Variants in ATXN2 observed in about 807,000 individuals in gnomAD.
ATXN2 encodes the protein ataxin 2.
Under a neutral mutation model 138.6 loss-of-function variants are expected in ATXN2, and 37 were observed. The ratio of observed to expected loss-of-function variants is 0.27; its 90% CI spans 0.21 to 0.35. The LOEUF (loss-of-function observed/expected upper bound fraction) is 0.35. Among genes scored for constraint, ATXN2 ranks in the 10% least tolerant of loss-of-function variants. ATXN2 has a pLI of 1.00. For missense variants in ATXN2, 1,216 were observed against 1,480.3 expected (o/e 0.82, Z 2.93); for synonymous variants, 549 against 543.7 (o/e 1.01, Z -0.13).
chr12:111,553,299 T>C (rs972192402), intron 3 of ATXN2, among the ~76,000 whole-genome samples: 2 of 152,130 alleles, frequency 1.3e-5, no homozygotes, highest in East Asian at 1.9e-4. Flanking sequence ...TTAACAAGAA[T>C]ACAGCTATCT....
At position 111,525,305 on chromosome 12, in the gene ATXN2, C is replaced by G. The variant is rs753699935; in HGVS notation, c.583G>C (p.Asp195His). 6.3e-7 allele frequency: 1 copy of G among 1,586,414 alleles called. No homozygotes were observed. The highest frequency in any genetic ancestry group is 1.4e-5 in the African/African-American group (1 of 73,868). The change falls in exon 6 of 25, where the codon GAC (aspartate) becomes CAC (histidine). Residue 195 changes from aspartate to histidine, a missense_variant. By Grantham distance (81) the Asp-to-His change is moderately conservative. This residue lies in a region of ATXN2 where 401 missense variants were observed against 528.1 expected (regional missense o/e 0.76). Transcript: ENST00000673436. ...SSYAKRDAFTDSAISAKVNGE... is the reference protein window; with the variant it reads ...SSYAKRDAFTHSAISAKVNGE... ...TTCACTTTAGCACTGATAGCAGAGT[C>G]AGTAAAAGCATCTGCAAAGAATGGT...
Position 111,552,454 on chromosome 12 carries a change from T to G in ATXN2, c.421-24A>C. The G allele has an allele frequency of 6.2e-7, 1 of 1,600,848 alleles. No homozygotes were observed. The highest frequency in any genetic ancestry group is 8.5e-7 in the Non-Finnish European group (1 of 1,175,790). ...CACTAAAATGAAAAACACAAGTAAGTACTCCAAACCTTTACAAAATAAAAT... is the reference window on the plus strand; with the variant it reads ...CACTAAAATGAAAAACACAAGTAAGGACTCCAAACCTTTACAAAATAAAAT... On this transcript the variant is annotated intron_variant, in intron 4 of 24. Transcript: ENST00000673436. This position sits in a 1 kb window ranked among gnomAD's most constrained non-coding sequence, Gnocchi z 4.1.
chr12:111,554,227 T>A lies in ATXN2; in HGVS notation c.289-10A>T, dbSNP rs183468414. On this transcript the variant is annotated splice_polypyrimidine_tract_variant and intron_variant, in intron 2 of 24. Transcript: ENST00000673436. Reference sequence around the variant, plus strand: ...TTCCATCAAAAGAAATCTGGAATATTAAAAAAAAAAAAAACTATTAGAAAT... The same window carrying A: ...TTCCATCAAAAGAAATCTGGAATATAAAAAAAAAAAAAAACTATTAGAAAT... The A allele has an allele frequency of 3.2e-3, 3,567 of 1,126,694 alleles. 11 individuals are homozygous for A. Among genetic ancestry groups the A allele is most frequent in the South Asian group, 0.021 (1,194 of 57,664 alleles). 69.8% of individuals were successfully genotyped at this position (1,126,694 alleles called of 1,614,324 possible).
At chr12:111,555,995 T>C (rs1377044202) in intron 1 of ATXN2, 76 bp from the exon 2 acceptor site, 3 of 1,193,560 alleles carry the variant, frequency 2.5e-6, no homozygotes, top group Non-Finnish European at 1.2e-6. Context: ...ACTTAAAATA[T>C]AATTCCATTC....
At chr12:111,557,943 T>C (rs1016681602) in intron 1 of ATXN2, among the ~76,000 whole-genome samples, 4 of 152,174 alleles carry the variant, frequency 2.6e-5, no homozygotes, top group Non-Finnish European at 2.9e-5. Flanking sequence ...CTTAAACTCA[T>C]ATGGCCTCCC....
chr12:111,564,812 C>T (rs768587753), intron 1 of ATXN2: 6 of 152,190 alleles, frequency 3.9e-5, no homozygotes, highest in Admixed American at 3.3e-4. Flanking sequence ...GTATTTACTA[C>T]TTCTGCATGG....
intron 11 of ATXN2, chr12:111,511,437 G>C (rs962324750): frequency 4.6e-5 from 7 of 151,068 alleles, no homozygotes; most frequent in Non-Finnish European, 7.4e-5. Flanking sequence ...AATGTCAAAA[G>C]ATTAACAGAA....
At chr12:111,587,098 TC>T (rs1378901557) in intron 1 of ATXN2, among the ~76,000 whole-genome samples, 4 of 128,726 alleles carry the variant, frequency 3.1e-5, no homozygotes, top group African/African-American at 2.8e-5. Context: ...AAAAAAGAAC[TC>T]CCCTTTCTAA....
intron 1 of ATXN2, among the ~76,000 whole-genome samples, chr12:111,589,366 C>T (rs1315710326): frequency 1.3e-5 from 2 of 152,118 alleles, no homozygotes; most frequent in Non-Finnish European, 2.9e-5. Flanking sequence ...GGCATAGTGG[C>T]TCACACCTGT....
At position 111,592,782 on chromosome 12, in the gene ATXN2, C is replaced by CAAAAAAAAAAAAAA. The variant is rs71083183; in HGVS notation, c.251+5988_251+6001dup. ...TGGGCGACAGAGCAAGACTCCGTCTCAAAAAAAAAAAAAAAAAAAAAAGAT... is the reference window on the plus strand; with the variant it reads ...TGGGCGACAGAGCAAGACTCCGTCTCAAAAAAAAAAAAAAAAAAAAAAAAAAAAAAAAAAAAGAT... On this transcript the variant is annotated intron_variant, in intron 1 of 24. Transcript: ENST00000673436. Among the ~76,000 whole-genome samples, 192 of 25,984 alleles carry CAAAAAAAAAAAAAA rather than the reference C, an allele frequency of 7.4e-3. 31 individuals are homozygous for CAAAAAAAAAAAAAA. The highest frequency in any genetic ancestry group is 0.01 in the Admixed American group (14 of 1,378). The allele number at this position is 25,984 out of a possible 152,430, so 17.0% of individuals were successfully genotyped here. A position where few individuals can be genotyped will look rare whatever the true frequency, so the allele number is the denominator to read the frequency against.
At chr12:111,553,572 CAAA>C (rs757837884) in intron 3 of ATXN2, among the ~76,000 whole-genome samples, 1,886 of 48,896 alleles carry the variant, frequency 0.039, 97 homozygotes, top group East Asian at 0.38. Flanking sequence ...TCTTTTTTCT[CAAA>C]AAAAAAAAAA....
chr12:111,458,163 T>G (rs1875269576), intron 21 of ATXN2: 1 of 150,124 alleles, frequency 6.7e-6, no homozygotes, highest in African/African-American at 2.5e-5. Context: ...TTTGTTTTTT[T>G]TTGAGATATA....
At chr12:111,550,448 A>G (rs924485505) in intron 5 of ATXN2, among the ~76,000 whole-genome samples, 1 of 152,230 alleles carries the variant, frequency 6.6e-6, no homozygotes, top group Non-Finnish European at 1.5e-5. Context: ...GGTATCCAAT[A>G]GAGTAGGGAA....
chr12:111,462,317 C>G (rs1875646174), intron 21 of ATXN2, among the ~76,000 whole-genome samples: 1 of 152,180 alleles, frequency 6.6e-6, no homozygotes, highest in African/African-American at 2.4e-5. Flanking sequence ...TAACCACATT[C>G]CAGAACTAGT....
intron 14 of ATXN2, among the ~76,000 whole-genome samples, chr12:111,498,463 C>T (rs1878564599): frequency 6.6e-6 from 1 of 152,104 alleles, no homozygotes; most frequent in South Asian, 2.1e-4. Context: ...AACGCAATCC[C>T]ATTTACAATA....
intron 1 of ATXN2, among the ~76,000 whole-genome samples, chr12:111,595,674 AAC>A (rs1884903383): frequency 3.3e-5 from 5 of 152,094 alleles, no homozygotes; most frequent in Admixed American, 3.3e-4. Flanking sequence ...TTTACAATAC[AAC>A]GTTCAGGGGA....
Position 111,552,251 on chromosome 12 carries a change from T to C in ATXN2, c.571+29A>G, listed in dbSNP as rs375448477. ...TTGCTTGAATAAATCTAATAAACCA[T>C]GAGGCATATTTAGGAAATCAAAACC... On this transcript the variant is annotated intron_variant, in intron 5 of 24. Transcript: ENST00000673436. This position sits in a 1 kb window ranked among gnomAD's most constrained non-coding sequence, Gnocchi z 4.1. The C allele has an allele frequency of 1.3e-6, 2 of 1,557,828 alleles. No homozygotes were observed. Among genetic ancestry groups the C allele is most frequent in the Non-Finnish European group, 1.7e-6 (2 of 1,156,886 alleles).
intron 6 of ATXN2, among the ~76,000 whole-genome samples, chr12:111,523,992 T>C (rs1252293253): frequency 1.3e-5 from 2 of 152,206 alleles, no homozygotes; most frequent in African/African-American, 4.8e-5. Context: ...ATAGAACTGC[T>C]GGAACAAAGT....
In ATXN2 at chr12:111,526,877, C is replaced by T. The variant is rs541315860; in HGVS notation, c.572-1561G>A. Reference sequence around the variant, plus strand: ...AATGAAGCCATTCTAAGTGGTTTAACCCCTCCCAGAACCCACTTCTTCATA... The same window carrying T: ...AATGAAGCCATTCTAAGTGGTTTAATCCCTCCCAGAACCCACTTCTTCATA... On this transcript the variant is annotated intron_variant, in intron 5 of 24. Coordinates refer to ENST00000673436, the MANE Select transcript of ATXN2 (RefSeq NM_001372574.1). Among the ~76,000 whole-genome samples the T allele has an allele frequency of 2.0e-5, 3 of 152,284 alleles. No homozygotes were observed. In the East Asian group the frequency reaches 5.8e-4, roughly 29 times the overall value.
Sources: allele counts gnomAD v4.1 joint callset (sites outside exome capture counted in the v4.1 genomes callset), GRCh38; gene constraint gnomAD v4.1.1; regional missense constraint gnomAD v4.1.1; non-coding constraint Gnocchi (gnomAD v3.1); transcripts MANE v1.5; gene names NCBI Gene and HGNC (gene_info 2026-07-23, HGNC 2026-07-21).